SRPK2: variants seen among roughly 807,000 people sequenced by gnomAD.
SRPK2 encodes SRSF protein kinase 2, also known as SFRS protein kinase 2.
SRPK2 carries 21 observed loss-of-function variants against 90.8 expected under a neutral mutation model. The observed-to-expected ratio is 0.23, with a 90% CI of 0.16 to 0.33. The LOEUF is 0.33. Ranked by LOEUF, SRPK2 falls within the 10% of genes least tolerant of loss-of-function variation. SRPK2 has a pLI of 1.00. For synonymous variants in SRPK2, 288 were observed against 311.1 expected, an observed-to-expected ratio of 0.93 and a Z score of 0.78; for missense variants, 620 against 869.0, an observed-to-expected ratio of 0.71 and a Z score of 3.60.
At chr7:105,350,981 T>C (rs1817106591) in intron 2 of SRPK2, among the ~76,000 whole-genome samples, 1 of 152,194 alleles carries the variant, frequency 6.6e-6, no homozygotes, top group African/African-American at 2.4e-5. Context: ...CACCCTGTGA[T>C]ATGATTTGAA....
rs563451264 is a variant in SRPK2, at chr7:105,157,111, A to C, written c.621+3396T>G. ...GGCTGTATGCACAGAGAGCCAAGAA[A>C]AGCCTGTGAAAAGGTACTAGCTGGA... On this transcript the variant is annotated intron_variant, in intron 7 of 15. Coordinates refer to ENST00000393651, the MANE Select transcript of SRPK2 (RefSeq NM_182692.3). 3.9e-5 allele frequency among the ~76,000 whole-genome samples: 6 copies of C among 152,318 alleles called. No homozygotes were observed. In the East Asian group the frequency reaches 1.2e-3, roughly 29 times the overall value.
In SRPK2 at chr7:105,177,607, G is replaced by GA. The variant is rs371855914; in HGVS notation, c.230-8343dup. Among the ~76,000 whole-genome samples the GA allele has an allele frequency of 2.1e-3, 323 of 152,288 alleles. 4 individuals are homozygous for GA. Among genetic ancestry groups the GA allele is most frequent in the African/African-American group, 7.5e-3 (310 of 41,568 alleles). ...CCAATTCTAACAAATGTACTACTCT[G>GA]AAGGAGGATGCTCATCCTGGGGGCG... On this transcript the variant is annotated intron_variant, in intron 3 of 15. Transcript: ENST00000393651.
At chr7:105,169,691 C>T (rs896648858) in intron 3 of SRPK2, among the ~76,000 whole-genome samples, 1 of 152,154 alleles carries the variant, frequency 6.6e-6, no homozygotes, top group East Asian at 1.9e-4. Context: ...GAAAAGTGTG[C>T]GACTGCAATC....
chr7:105,146,651 T>C lies in SRPK2; in HGVS notation c.629A>G (p.Gln210Arg), dbSNP rs1402378118. Residue 210 changes from glutamine to arginine, a missense_variant, in exon 8 of 16, where the codon CAA (glutamine) becomes CGA (arginine). Around this residue, in one of 8 missense-constraint regions of SRPK2, gnomAD observed 196 missense variants for 339.2 expected, o/e 0.58. Coordinates refer to ENST00000393651, the MANE Select transcript of SRPK2 (RefSeq NM_182692.3). ...CVKSIIRQVL[Q>R]GLDYLHSKCK... ...CTTACTGTGTAAGTAATCTAACCCTTGAAGGACCTGGATATAGTAAAATCA... is the reference window on the plus strand; with the variant it reads ...CTTACTGTGTAAGTAATCTAACCCTCGAAGGACCTGGATATAGTAAAATCA... The C allele has an allele frequency of 3.7e-6, 6 of 1,614,040 alleles. No homozygotes were observed. Among genetic ancestry groups the C allele is most frequent in the Non-Finnish European group, 5.1e-6 (6 of 1,179,990 alleles).
chr7:105,155,468 G>A (rs1806356451), intron 7 of SRPK2, among the ~76,000 whole-genome samples: 1 of 152,190 alleles, frequency 6.6e-6, no homozygotes, highest in Non-Finnish European at 1.5e-5. Flanking sequence ...TCTTATCCCA[G>A]TGGTTCTCAG....
intron 2 of SRPK2, among the ~76,000 whole-genome samples, chr7:105,284,181 TGAAAG>T (rs2130875358): frequency 6.6e-6 from 1 of 152,190 alleles, no homozygotes; most frequent in Non-Finnish European, 1.5e-5. Flanking sequence ...CTGCCGAGCA[TGAAAG>T]GAGATAGTTA....
At chr7:105,376,774 G>T (rs1820351484) in intron 2 of SRPK2, among the ~76,000 whole-genome samples, 1 of 151,170 alleles carries the variant, frequency 6.6e-6, no homozygotes, top group Admixed American at 6.6e-5. Flanking sequence ...CTGACCTCAG[G>T]AGATCCACCC....
At chr7:105,158,309 C>T (rs1806841722) in intron 7 of SRPK2, among the ~76,000 whole-genome samples, 1 of 150,738 alleles carries the variant, frequency 6.6e-6, no homozygotes, top group Admixed American at 6.6e-5. Flanking sequence ...GGCTGGAGTG[C>T]AGTGGCATGA....
At chr7:105,220,129 A>G (rs1162689771) in intron 2 of SRPK2, among the ~76,000 whole-genome samples, 6 of 152,238 alleles carry the variant, frequency 3.9e-5, no homozygotes, top group Admixed American at 3.9e-4. Flanking sequence ...TAAGCAGGCA[A>G]AAAACTAAAC....
intron 2 of SRPK2, among the ~76,000 whole-genome samples, chr7:105,346,712 C>T (rs1816500556): frequency 6.6e-6 from 1 of 151,890 alleles, no homozygotes; most frequent in Admixed American, 6.6e-5. Context: ...GAGCCAAGAT[C>T]GCACCACTGC....
At chr7:105,321,393 A>G (rs553843429) in intron 2 of SRPK2, among the ~76,000 whole-genome samples, 46 of 152,340 alleles carry the variant, frequency 3.0e-4, no homozygotes, top group African/African-American at 1.1e-3. Context: ...ATACAGGTAA[A>G]TCTTCATGAC....
At chr7:105,379,697 G>A (rs1820717830) in intron 2 of SRPK2, among the ~76,000 whole-genome samples, 3 of 152,134 alleles carry the variant, frequency 2.0e-5, no homozygotes, top group Admixed American at 2.0e-4. Context: ...GAATGCACTG[G>A]GCCAGGCGTG....
At chr7:105,153,400 T>C (rs1313234670) in intron 7 of SRPK2, among the ~76,000 whole-genome samples, 2 of 152,228 alleles carry the variant, frequency 1.3e-5, no homozygotes, top group African/African-American at 4.8e-5. Flanking sequence ...GCTTGCTTTC[T>C]GTACATCAAC....
intron 2 of SRPK2, among the ~76,000 whole-genome samples, chr7:105,367,410 G>A (rs974634126): frequency 3.3e-5 from 5 of 151,980 alleles, no homozygotes; most frequent in South Asian, 2.1e-4. Context: ...CTATAGGCAC[G>A]CACCACTACA....
intron 2 of SRPK2, among the ~76,000 whole-genome samples, 196 bp downstream of exon 2, chr7:105,388,452 C>T (rs935483150): frequency 6.8e-6 from 1 of 147,324 alleles, no homozygotes; most frequent in African/African-American, 2.5e-5. Flanking sequence ...AGGGAACCGG[C>T]CGCGGCCCGC....
At chr7:105,373,697 C>G (rs1221868888) in intron 2 of SRPK2, among the ~76,000 whole-genome samples, 1 of 152,068 alleles carries the variant, frequency 6.6e-6, no homozygotes, top group Non-Finnish European at 1.5e-5. Flanking sequence ...GCCACCGCGC[C>G]TGGCTCACAA....
chr7:105,165,064 C>T (rs1354046451), intron 6 of SRPK2, among the ~76,000 whole-genome samples: 2 of 152,190 alleles, frequency 1.3e-5, no homozygotes, highest in East Asian at 3.9e-4. Context: ...GTACTCATGA[C>T]ACTGAAGGCA....
chr7:105,250,014 G>A (rs1414097449), intron 2 of SRPK2, among the ~76,000 whole-genome samples: 2 of 152,134 alleles, frequency 1.3e-5, no homozygotes, highest in African/African-American at 4.8e-5. Context: ...ACTGAGCTAA[G>A]CGTTATTCTA....
At chr7:105,303,874 A>C (rs1043524682) in intron 2 of SRPK2, among the ~76,000 whole-genome samples, 2 of 152,244 alleles carry the variant, frequency 1.3e-5, no homozygotes, top group Non-Finnish European at 2.9e-5. Context: ...CGTTTGGAAG[A>C]AATTTTCACC....
Sources: allele counts gnomAD v4.1 joint callset (sites outside exome capture counted in the v4.1 genomes callset), GRCh38; gene constraint gnomAD v4.1.1; regional missense constraint gnomAD v4.1.1; transcripts MANE v1.5; gene names NCBI Gene and HGNC (gene_info 2026-07-23, HGNC 2026-07-21).